The following PCDHA7 variants were observed in gnomAD, a reference collection of about 807,000 sequenced individuals.
The protein encoded by PCDHA7 is protocadherin alpha-7.
Under a neutral mutation model 57.2 loss-of-function variants are expected in PCDHA7, and 37 were observed. The observed-to-expected ratio is 0.65, with a 90% CI of 0.50 to 0.85. PCDHA7 has a LOEUF of 0.85. Among genes scored for constraint, PCDHA7 ranks in the 40% least tolerant of loss-of-function variants. The probability of loss-of-function intolerance (pLI) is 0.00; values close to 1 mark genes in which losing one functional copy is unlikely to be tolerated. For missense variants in PCDHA7, 1,188 were observed against 1,241.8 expected, an observed-to-expected ratio of 0.96 and a Z score of 0.65; for synonymous variants, 553 against 558.8, an observed-to-expected ratio of 0.99 and a Z score of 0.15.
chr5:140,841,809 G>T, intron 1 of PCDHA7: 1 of 1,613,904 alleles, frequency 6.2e-7, no homozygotes. Context: ...GCAGATGTTG[G>T]AGCTAACTCC....
chr5:140,885,287 G>T (rs1224083539), intron 1 of PCDHA7, among the ~76,000 whole-genome samples: 1 of 152,050 alleles, frequency 6.6e-6, no homozygotes, highest in African/African-American at 2.4e-5. Context: ...TACATATATA[G>T]AGAGAGACCT....
At chr5:140,836,901 A>C in intron 1 of PCDHA7, 163 bp downstream of exon 1, 1 of 593,722 alleles carries the variant, frequency 1.7e-6, no homozygotes. Flanking sequence ...AAGTACGTTT[A>C]ATATACACTT....
intron 1 of PCDHA7, among the ~76,000 whole-genome samples, chr5:140,923,228 C>A (rs2338302): frequency 1.4e-5 from 1 of 71,808 alleles, no homozygotes; most frequent in South Asian, 4.8e-4. Context: ...TCGTTTGAGC[C>A]CAGAAGTTTG....
intron 1 of PCDHA7, among the ~76,000 whole-genome samples, chr5:140,915,711 C>T (rs1159509465): frequency 1.3e-5 from 2 of 151,812 alleles, no homozygotes; most frequent in African/African-American, 2.4e-5. Flanking sequence ...CTCCTGTGGC[C>T]CCCACTTTGG....
chr5:140,860,479 C>T (rs1348082358), intron 1 of PCDHA7: 1 of 152,030 alleles, frequency 6.6e-6, no homozygotes, highest in Non-Finnish European at 1.5e-5. Context: ...TGCAGTAGTA[C>T]TTTATTTAGG....
At chr5:140,931,507 T>C (rs564431042) in intron 1 of PCDHA7, among the ~76,000 whole-genome samples, 1 of 152,016 alleles carries the variant, frequency 6.6e-6, no homozygotes, top group African/African-American at 2.4e-5. Flanking sequence ...TTTAAACATA[T>C]ATGAATGATT....
chr5:140,991,981 T>C (rs2097483028), intron 3 of PCDHA7, among the ~76,000 whole-genome samples: 1 of 152,008 alleles, frequency 6.6e-6, no homozygotes, highest in South Asian at 2.1e-4. Flanking sequence ...TTATTCTGCC[T>C]ACCACCCGGT....
intron 1 of PCDHA7, among the ~76,000 whole-genome samples, chr5:140,939,224 C>T (rs761211778): frequency 8.5e-5 from 13 of 152,130 alleles, no homozygotes; most frequent in Admixed American, 4.6e-4. Context: ...TGTCTCTTCA[C>T]CTTCTGGAAG....
Position 140,857,884 on chromosome 5 carries a change from G to C in PCDHA7, c.2355+21146G>C, listed in dbSNP as rs782097827. 60 of 1,597,656 alleles carry C rather than the reference G, an allele frequency of 3.8e-5. 6 individuals carry two copies. Among genetic ancestry groups the C allele is most frequent in the Non-Finnish European group, 5.0e-5 (58 of 1,167,502 alleles). On this transcript the variant is annotated intron_variant, in intron 1 of 3. Transcript: ENST00000525929. ...CGTGGCTGTCGTATGAATTGCAGTC[G>C]GCGGCGGTTGGTGCACGCATCCCGT...
chr5:140,945,948 C>T (rs782232521), intron 1 of PCDHA7, among the ~76,000 whole-genome samples: 6 of 151,900 alleles, frequency 3.9e-5, no homozygotes, highest in Non-Finnish European at 5.9e-5. Context: ...TTTTATATGA[C>T]CCTGAAAGCA....
At chr5:140,884,213 G>C in intron 1 of PCDHA7, 1 of 1,613,532 alleles carries the variant, frequency 6.2e-7, no homozygotes, top group East Asian at 2.2e-5. Flanking sequence ...CCGCCTTCTG[G>C]TGCTGGTGAA....
At chr5:140,993,984 CACTT>C (rs2097589955) in intron 3 of PCDHA7, among the ~76,000 whole-genome samples, 1 of 152,114 alleles carries the variant, frequency 6.6e-6, no homozygotes, top group Non-Finnish European at 1.5e-5. Flanking sequence ...ATTTATTAAG[CACTT>C]AGGTCAGGCC....
intron 1 of PCDHA7, among the ~76,000 whole-genome samples, chr5:140,839,123 G>A (rs1346633787): frequency 6.6e-6 from 1 of 151,664 alleles, no homozygotes; most frequent in Admixed American, 6.6e-5. Flanking sequence ...GCCATAATAT[G>A]TCATTCACAT....
intron 1 of PCDHA7, among the ~76,000 whole-genome samples, chr5:140,874,018 G>T (rs1033387450): frequency 1.3e-5 from 2 of 152,114 alleles, no homozygotes; most frequent in Admixed American, 1.3e-4. Context: ...TTTTGAAAAT[G>T]AAAAATAGGA....
intron 1 of PCDHA7, chr5:140,866,782 C>A (rs1318646938): frequency 1.3e-5 from 2 of 152,160 alleles, no homozygotes; most frequent in Admixed American, 6.5e-5. Context: ...TATGTCCTGA[C>A]TGATATAGTA....
At position 140,850,706 on chromosome 5, in the gene PCDHA7, G is replaced by A. The variant is rs2150495171; in HGVS notation, c.2355+13968G>A. ...AGGGCGAGTGCGCGCCTGGCAAGCC[G>A]ACGCTGGTGTGTTCTAGCGCGGTGG... is the stretch of plus-strand genomic sequence containing the variant. On this transcript the variant is annotated intron_variant, in intron 1 of 3. Coordinates refer to ENST00000525929, the MANE Select transcript of PCDHA7 (RefSeq NM_018910.3). 7 of 1,598,146 alleles carry A rather than the reference G, an allele frequency of 4.4e-6. No individual in the cohort carries two copies. In the East Asian group the frequency reaches 1.3e-4, roughly 31 times the overall value.
chr5:140,904,177 AC>A (rs1185990725), intron 1 of PCDHA7, among the ~76,000 whole-genome samples: 1 of 151,302 alleles, frequency 6.6e-6, no homozygotes, highest in Non-Finnish European at 1.5e-5. Flanking sequence ...TTTATTCCTC[AC>A]CCCCTTCCCA....
At position 140,836,402 on chromosome 5, in the gene PCDHA7, C is replaced by T. The variant is rs1695178893; in HGVS notation, c.2019C>T (p.Gly673=). The T allele has an allele frequency of 1.9e-6, 3 of 1,613,680 alleles. No homozygotes were observed. The South Asian group carries it at 3.3e-5, about 18-fold the overall frequency. Residue 673 remains glycine (G), a synonymous_variant, in exon 1 of 4, where the codon GGC becomes GGT. Transcript: ENST00000525929. The part of the protein sequence containing the change: ...ATVLVSLVES[G]QAPKASSRAS... Reference sequence around the variant, plus strand: ...TGCTGGTGTCGCTGGTGGAAAGCGGCCAGGCACCAAAGGCGTCGTCGCGGG... The same window carrying T: ...TGCTGGTGTCGCTGGTGGAAAGCGGTCAGGCACCAAAGGCGTCGTCGCGGG...
chr5:140,876,181 G>T, intron 1 of PCDHA7: 1 of 1,613,982 alleles, frequency 6.2e-7, no homozygotes, highest in South Asian at 1.1e-5. Context: ...GGATGTGAAT[G>T]ACAATGGTCC....
Sources: allele counts gnomAD v4.1 joint callset (sites outside exome capture counted in the v4.1 genomes callset), GRCh38; gene constraint gnomAD v4.1.1; transcripts MANE v1.5; gene names NCBI Gene and HGNC (gene_info 2026-07-23, HGNC 2026-07-21).